Variants in PTPN4 observed in about 807,000 individuals in gnomAD.
The protein encoded by PTPN4 is protein tyrosine phosphatase non-receptor type 4, also known as tyrosine-protein phosphatase non-receptor type 4.
A neutral mutation model predicts 135.5 loss-of-function variants in PTPN4; 49 were observed. The observed-to-expected ratio is 0.36, with a 90% CI of 0.29 to 0.46. The LOEUF is 0.46. PTPN4 is among the 20% of genes least tolerant of loss of function. The pLI, the probability that PTPN4 is intolerant of heterozygous loss-of-function variation, is 1.00. For missense variants in PTPN4, 860 were observed against 1,101.0 expected (o/e 0.78, Z 3.10); for synonymous variants, 333 against 369.9 (o/e 0.90, Z 1.14).
intron 9 of PTPN4, among the ~76,000 whole-genome samples, chr2:119,886,123 C>G (rs558314253): frequency 6.6e-6 from 1 of 151,922 alleles, no homozygotes; most frequent in East Asian, 1.9e-4. Flanking sequence ...TTTTACAGAC[C>G]GTAAGATATA....
In PTPN4 at chr2:119,945,105, G is replaced by A; in HGVS notation, c.1380G>A (p.Gly460=). 1 of 1,603,616 alleles carries A rather than the reference G, an allele frequency of 6.2e-7. No individual in the cohort carries two copies. The highest frequency in any genetic ancestry group is 1.1e-5 in the South Asian group (1 of 87,862). The change falls in exon 16 of 27, where the codon GGG becomes GGA. Residue 460 remains glycine (G), a synonymous_variant. Coordinates refer to ENST00000263708, the MANE Select transcript of PTPN4 (RefSeq NM_002830.4). ...GATCACAAGAGACCCCTGGAGATGG[G>A]AAGCCTCCAGCTTTACCACCCAAAC... The part of the protein sequence containing the change: ...SSPSQETPGD[G]KPPALPPKQS...
chr2:119,878,127 G>T (rs945890833), intron 5 of PTPN4, among the ~76,000 whole-genome samples: 2 of 152,090 alleles, frequency 1.3e-5, no homozygotes, highest in African/African-American at 2.4e-5. Flanking sequence ...TTAAGTCTCA[G>T]CTTATGTTAC....
At chr2:119,880,671 A>C (rs1678058181) in intron 5 of PTPN4, among the ~76,000 whole-genome samples, 1 of 151,308 alleles carries the variant, frequency 6.6e-6, no homozygotes, top group Non-Finnish European at 1.5e-5. Context: ...CGATCTCCTG[A>C]CCTTGTGATC....
At chr2:119,805,225 T>C (rs1183646478) in intron 1 of PTPN4, among the ~76,000 whole-genome samples, 1 of 152,232 alleles carries the variant, frequency 6.6e-6, no homozygotes, top group African/African-American at 2.4e-5. Context: ...TTTTCTCCTG[T>C]TTTGTATGTT....
chr2:119,948,648 TA>T (rs1234069061), intron 18 of PTPN4, among the ~76,000 whole-genome samples: 4 of 152,172 alleles, frequency 2.6e-5, no homozygotes, highest in Non-Finnish European at 5.9e-5. Flanking sequence ...GTATGGTTTC[TA>T]ACAGTTTAAA....
At chr2:119,916,217 A>G (rs1314940697) in intron 11 of PTPN4, 1 of 151,196 alleles carries the variant, frequency 6.6e-6, no homozygotes, top group Non-Finnish European at 1.5e-5. Flanking sequence ...AAAAAAAAAA[A>G]AGCCTTTGGG....
chr2:119,911,606 A>G (rs185149326), intron 10 of PTPN4, among the ~76,000 whole-genome samples: 6 of 152,260 alleles, frequency 3.9e-5, no homozygotes, highest in African/African-American at 1.4e-4. Context: ...GCTTCATCTC[A>G]CTACTTCTCT....
At chr2:119,777,048 C>T (rs1690849599) in intron 1 of PTPN4, among the ~76,000 whole-genome samples, 1 of 152,218 alleles carries the variant, frequency 6.6e-6, no homozygotes, top group East Asian at 1.9e-4. Context: ...AAAGTTTTTA[C>T]TGTGGCCAAA....
At chr2:119,971,573 A>C (rs1246050012) in intron 26 of PTPN4, among the ~76,000 whole-genome samples, 1 of 152,116 alleles carries the variant, frequency 6.6e-6, no homozygotes, top group African/African-American at 2.4e-5. Flanking sequence ...TTCTGGATAA[A>C]AGTTTCTGAT....
chr2:119,762,309 A>G (rs1690522245), intron 1 of PTPN4, among the ~76,000 whole-genome samples: 1 of 152,084 alleles, frequency 6.6e-6, no homozygotes, highest in African/African-American at 2.4e-5. Flanking sequence ...TAGTAATACA[A>G]TTTACGTGAG....
chr2:119,878,403 G>A (rs1282476594), intron 5 of PTPN4, among the ~76,000 whole-genome samples: 3 of 152,044 alleles, frequency 2.0e-5, no homozygotes, highest in Non-Finnish European at 4.4e-5. Flanking sequence ...TAAGAATATA[G>A]GCCAGTGACT....
chr2:119,773,013 A>G (rs1690761996), intron 1 of PTPN4, among the ~76,000 whole-genome samples: 1 of 152,216 alleles, frequency 6.6e-6, no homozygotes, highest in Non-Finnish European at 1.5e-5. Context: ...ATGAGATTGT[A>G]GAACTGAACC....
At chr2:119,779,705 G>A (rs964954203) in intron 1 of PTPN4, among the ~76,000 whole-genome samples, 3 of 151,784 alleles carry the variant, frequency 2.0e-5, no homozygotes, top group African/African-American at 7.3e-5. Context: ...GTTTTATTGT[G>A]TATGCATTTG....
chr2:119,901,645 AC>A (rs1289354830), intron 10 of PTPN4, among the ~76,000 whole-genome samples: 3 of 152,226 alleles, frequency 2.0e-5, no homozygotes, highest in Non-Finnish European at 4.4e-5. Context: ...TGAGAACCAG[AC>A]CCAGATATAG....
intron 2 of PTPN4, among the ~76,000 whole-genome samples, chr2:119,827,279 T>A (rs1450888707): frequency 6.6e-6 from 1 of 152,182 alleles, no homozygotes; most frequent in Non-Finnish European, 1.5e-5. Flanking sequence ...TGGGGGGAAA[T>A]CTATTTGAGT....
intron 15 of PTPN4, among the ~76,000 whole-genome samples, chr2:119,944,250 A>G (rs1019125401): frequency 1.3e-5 from 2 of 152,210 alleles, no homozygotes; most frequent in Non-Finnish European, 2.9e-5. Flanking sequence ...CAGTGTTCTT[A>G]TCAAGAACAA....
chr2:119,885,497 T>C (rs943855690), intron 8 of PTPN4, among the ~76,000 whole-genome samples: 1 of 152,174 alleles, frequency 6.6e-6, no homozygotes, highest in Non-Finnish European at 1.5e-5. Flanking sequence ...GAAATACTGC[T>C]TTTAAGTTAT....
chr2:119,900,609 T>G lies in PTPN4; in HGVS notation c.676-109T>G, dbSNP rs928233748. ...AATTAGTATTCGGTTCTTTGCAACC[T>G]TTGAAAATGCAATGTTTAGTTTTAA... On this transcript the variant is annotated intron_variant, in intron 9 of 26. Transcript: ENST00000263708. 8.3e-6 allele frequency: 5 copies of G among 604,998 alleles called. No individual in the cohort carries two copies. The African/African-American group carries it at 9.7e-5, about 12-fold the overall frequency. The allele number at this position is 604,998 out of a possible 1,614,324, so 37.5% of individuals were successfully genotyped here.
intron 25 of PTPN4, among the ~76,000 whole-genome samples, chr2:119,966,152 C>G (rs1679442568): frequency 6.6e-6 from 1 of 152,114 alleles, no homozygotes; most frequent in South Asian, 2.1e-4. Flanking sequence ...AATACTGTTT[C>G]CCCACATGCT....
Sources: gnomAD v4.1 joint callset for allele counts (sites outside exome capture counted in the v4.1 genomes callset) on GRCh38, gnomAD v4.1.1 for gene constraint, MANE v1.5 for transcripts, NCBI Gene and HGNC (gene_info 2026-07-23, HGNC 2026-07-21) for gene names.